AGMO: variants seen among roughly 807,000 people sequenced by gnomAD.
AGMO encodes glyceryl-ether monooxygenase.
Under a neutral mutation model 60.2 loss-of-function variants are expected in AGMO, and 75 were observed. That is an observed-to-expected ratio of 1.25 (90% CI 1.03 to 1.51). The LOEUF is 1.51. Among genes scored for constraint, AGMO ranks in the 40% most tolerant of loss-of-function variants. The probability of loss-of-function intolerance (pLI) is 0.00; values close to 1 mark genes in which losing one functional copy is unlikely to be tolerated. For missense variants in AGMO, 763 were observed against 525.5 expected, an observed-to-expected ratio of 1.45 and a Z score of -4.42; for synonymous variants, 261 against 177.1, an observed-to-expected ratio of 1.47 and a Z score of -3.76.
At chr7:15,463,136 G>T (rs369880599) in intron 3 of AGMO, among the ~76,000 whole-genome samples, 2 of 152,038 alleles carry the variant, frequency 1.3e-5, no homozygotes, top group East Asian at 3.9e-4. Context: ...GCTTATTAAG[G>T]ATGTAATGAT....
rs373845365 is a variant in AGMO at position 15,432,379 on chromosome 7, T to TATATATATATATATATACAC, written c.410-1272_410-1271insGTGTATATATATATATATAT. On this transcript the variant is annotated intron_variant, in intron 3 of 12. Coordinates refer to ENST00000342526, the MANE Select transcript of AGMO (RefSeq NM_001004320.2). ...ATATATATACACACACATATATATA[T>TATATATATATATATATACAC]ACACTATCTGGGTAAATTTTGGCCA... Among the ~76,000 whole-genome samples, 125 of 136,186 alleles carry TATATATATATATATATACAC rather than the reference T, an allele frequency of 9.2e-4. 2 individuals are homozygous for TATATATATATATATATACAC. Among genetic ancestry groups the TATATATATATATATATACAC allele is most frequent in the African/African-American group, 3.0e-3 (107 of 35,636 alleles). 89.3% of individuals were successfully genotyped at this position (136,186 alleles called of 152,430 possible).
chr7:15,355,885 A>G (rs968342183), intron 12 of AGMO, among the ~76,000 whole-genome samples: 2 of 152,210 alleles, frequency 1.3e-5, no homozygotes, highest in African/African-American at 4.8e-5. Context: ...ATAATCATAC[A>G]CAGAATTTCT....
intron 3 of AGMO, among the ~76,000 whole-genome samples, chr7:15,511,318 C>CAG (rs1379219700): frequency 6.6e-6 from 1 of 152,174 alleles, no homozygotes; most frequent in East Asian, 1.9e-4. Flanking sequence ...AAAAAACCCA[C>CAG]ACTGATGTGG....
At chr7:15,129,574 G>C in the AGMO span, among the ~76,000 whole-genome samples, 3 of 152,052 alleles carry the variant, frequency 2.0e-5, no homozygotes, top group African/African-American at 7.2e-5. Context: ...TTACTAAAGA[G>C]TCACTTAAAA....
chr7:15,184,552 AAGGAAAAGGAGGGAGGG>A, the AGMO span, among the ~76,000 whole-genome samples: 3 of 101,230 alleles, frequency 3.0e-5, no homozygotes, highest in African/African-American at 1.1e-4. Flanking sequence ...AAAAGGAAGG[AAGGAAAAGGAGGGAGGG>A]AGGGAAGGAA....
At chr7:15,117,566 T>G in the AGMO span, among the ~76,000 whole-genome samples, 7 of 151,940 alleles carry the variant, frequency 4.6e-5, no homozygotes, top group Admixed American at 4.6e-4. Flanking sequence ...AATTACCTAC[T>G]GGGTACACTG....
At chr7:15,119,151 C>A in the AGMO span, among the ~76,000 whole-genome samples, 1 of 151,662 alleles carries the variant, frequency 6.6e-6, no homozygotes, top group Admixed American at 6.6e-5. Context: ...GTGTCCCCAC[C>A]CAAATCTCAT....
intron 12 of AGMO, among the ~76,000 whole-genome samples, chr7:15,241,332 C>A (rs184134714): frequency 3.3e-5 from 5 of 150,724 alleles, no homozygotes; most frequent in Admixed American, 3.3e-4. Flanking sequence ...TGGTGGTGGG[C>A]GCCTGTAATC....
At chr7:15,275,579 C>A (rs7801083) in intron 12 of AGMO, among the ~76,000 whole-genome samples, 13,011 of 152,146 alleles carry the variant, frequency 0.086, 1,908 homozygotes, top group African/African-American at 0.3. Context: ...CTACAGTCCC[C>A]TTTAAGGTTA....
the AGMO span, among the ~76,000 whole-genome samples, chr7:15,154,907 A>T: frequency 0.64 from 97,753 of 151,956 alleles, 31,703 homozygotes; most frequent in East Asian, 0.73. Flanking sequence ...TTTTCTTTAA[A>T]GATGCTGAAT....
At chr7:15,439,493 GC>G (rs1217292068) in intron 3 of AGMO, among the ~76,000 whole-genome samples, 1 of 152,076 alleles carries the variant, frequency 6.6e-6, no homozygotes, top group Non-Finnish European at 1.5e-5. Context: ...TTTGTACTCT[GC>G]CCCTTGCCTT....
At chr7:15,558,222 A>G (rs957584355) in intron 2 of AGMO, among the ~76,000 whole-genome samples, 1 of 151,984 alleles carries the variant, frequency 6.6e-6, no homozygotes, top group Non-Finnish European at 1.5e-5. Context: ...AACAAAATCA[A>G]ACTTTAAAAG....
intron 6 of AGMO, among the ~76,000 whole-genome samples, chr7:15,391,169 G>T (rs1411872429): frequency 2.0e-5 from 3 of 150,380 alleles, no homozygotes; most frequent in African/African-American, 7.3e-5. Flanking sequence ...GTATAAAAAT[G>T]GAATAAATGT....
chr7:15,197,161 T>A (rs1007283107), downstream of AGMO, among the ~76,000 whole-genome samples: 1 of 152,058 alleles, frequency 6.6e-6, no homozygotes, highest in African/African-American at 2.4e-5. Context: ...AAAGTCAAAC[T>A]AGTCTGTTTT....
At chr7:15,134,514 C>T in the AGMO span, among the ~76,000 whole-genome samples, 1 of 152,096 alleles carries the variant, frequency 6.6e-6, no homozygotes, top group Admixed American at 6.6e-5. Flanking sequence ...CCATGTGCAC[C>T]CAAAGTTTAG....
the AGMO span, among the ~76,000 whole-genome samples, chr7:15,173,548 CAAA>C: frequency 5.3e-5 from 8 of 151,718 alleles, no homozygotes; most frequent in African/African-American, 1.9e-4. Context: ...AATGAAACTA[CAAA>C]TTAACAGGGC....
chr7:15,464,885 A>G (rs190403513), intron 3 of AGMO, among the ~76,000 whole-genome samples: 46 of 152,302 alleles, frequency 3.0e-4, no homozygotes, highest in African/African-American at 1.1e-3. Flanking sequence ...ATAACTTGAT[A>G]GCTTGTGATT....
intron 8 of AGMO, among the ~76,000 whole-genome samples, chr7:15,387,965 T>C (rs1393496115): frequency 6.8e-6 from 1 of 146,992 alleles, no homozygotes; most frequent in Non-Finnish European, 1.5e-5. Context: ...TGGAGTGCAG[T>C]GGAGCGGCTT....
At chr7:15,358,340 T>A (rs576338260) in intron 12 of AGMO, 22 of 454,300 alleles carry the variant, frequency 4.8e-5, no homozygotes, top group Non-Finnish European at 9.1e-5. Flanking sequence ...TAACCTTGGG[T>A]TAATGCTTTT....
Sources: allele counts gnomAD v4.1 joint callset (sites outside exome capture counted in the v4.1 genomes callset), GRCh38; gene constraint gnomAD v4.1.1; transcripts MANE v1.5; gene names NCBI Gene and HGNC (gene_info 2026-07-23, HGNC 2026-07-21).